The following FBXL4 variants were observed in gnomAD, a reference collection of about 807,000 sequenced individuals.
The protein encoded by FBXL4 is F-box and leucine rich repeat protein 4.
In FBXL4, 40 loss-of-function variants were observed where a neutral mutation model predicts 58.9. That is an observed-to-expected ratio of 0.68 (90% CI 0.53 to 0.88). The LOEUF (loss-of-function observed/expected upper bound fraction) is 0.88, where lower values mean the gene tolerates loss of function less well. Among genes scored for constraint, FBXL4 ranks in the 40% least tolerant of loss-of-function variants. The probability of loss-of-function intolerance (pLI) is 0.00; values close to 1 mark genes in which losing one functional copy is unlikely to be tolerated. For synonymous variants in FBXL4, 263 were observed against 265.5 expected, an observed-to-expected ratio of 0.99 and a Z score of 0.09; for missense variants, 676 against 734.4, an observed-to-expected ratio of 0.92 and a Z score of 0.92.
chr6:98,889,855 T>C (rs1274877341), intron 7 of FBXL4, among the ~76,000 whole-genome samples: 1 of 152,172 alleles, frequency 6.6e-6, no homozygotes, highest in African/African-American at 2.4e-5. Context: ...ATAAAAGGCA[T>C]TAATTCAAAT....
intron 6 of FBXL4, 97 bp from the exon 7 acceptor site, chr6:98,899,578 G>A (rs955547774): frequency 3.8e-6 from 5 of 1,326,226 alleles, no homozygotes; most frequent in Non-Finnish European, 4.1e-6. Context: ...ACATTTGAAA[G>A]AATAGATTTC....
chr6:98,896,723 G>A, intron 7 of FBXL4: 2 of 862,462 alleles, frequency 2.3e-6, no homozygotes, highest in Non-Finnish European at 2.8e-6. Context: ...AATTTAATAG[G>A]AAGTAACAGA....
intron 9 of FBXL4, 75 bp from the exon 10 acceptor site, chr6:98,874,516 T>G: frequency 7.0e-7 from 1 of 1,434,624 alleles, no homozygotes; most frequent in South Asian, 1.4e-5. Flanking sequence ...TAACAATGAA[T>G]CCATCCATGA....
intron 6 of FBXL4, among the ~76,000 whole-genome samples, chr6:98,901,134 A>G (rs905290353): frequency 6.6e-6 from 1 of 152,176 alleles, no homozygotes; most frequent in Non-Finnish European, 1.5e-5. Context: ...GAGTAAAGTA[A>G]GTCGCAAATT....
At chr6:98,922,430 C>G (rs1772619260) in intron 4 of FBXL4, among the ~76,000 whole-genome samples, 2 of 152,180 alleles carry the variant, frequency 1.3e-5, no homozygotes, top group Admixed American at 6.5e-5. Flanking sequence ...CCAACACATT[C>G]TTGTTTGTTA....
chr6:98,895,238 T>C (rs1424336533), intron 7 of FBXL4, among the ~76,000 whole-genome samples: 2 of 152,234 alleles, frequency 1.3e-5, no homozygotes, highest in Non-Finnish European at 2.9e-5. Context: ...TGTTTCTAAA[T>C]GTAATTTGAA....
chr6:98,943,270 A>C (rs1002581755), intron 1 of FBXL4, among the ~76,000 whole-genome samples: 5 of 152,106 alleles, frequency 3.3e-5, no homozygotes, highest in African/African-American at 9.7e-5. Flanking sequence ...GTAAAACAAA[A>C]AAAAAAAGGA....
chr6:98,947,533 A>G (rs1582471389), intron 1 of FBXL4, among the ~76,000 whole-genome samples: 1 of 152,346 alleles, frequency 6.6e-6, no homozygotes, highest in African/African-American at 2.4e-5. Flanking sequence ...ACACGTCCGA[A>G]CGACGCCTCA....
intron 7 of FBXL4, among the ~76,000 whole-genome samples, chr6:98,881,545 G>A (rs1428871223): frequency 6.6e-6 from 1 of 151,998 alleles, no homozygotes; most frequent in African/African-American, 2.4e-5. Context: ...TATCAGTTGA[G>A]GGAAAGGTGA....
At chr6:98,919,347 T>C (rs1471429676) in intron 4 of FBXL4, among the ~76,000 whole-genome samples, 1 of 152,210 alleles carries the variant, frequency 6.6e-6, no homozygotes, top group Admixed American at 6.5e-5. Flanking sequence ...ATACTTGTTA[T>C]TTTTGCTGAT....
At chr6:98,939,148 GATGAA>G (rs1191512924) in intron 1 of FBXL4, among the ~76,000 whole-genome samples, 1 of 149,468 alleles carries the variant, frequency 6.7e-6, no homozygotes, top group Non-Finnish European at 1.5e-5. Context: ...GAGGAAGGGA[GATGAA>G]ATGAAACGAA....
chr6:98,923,194 G>A (rs1260765446), intron 4 of FBXL4, among the ~76,000 whole-genome samples: 1 of 151,716 alleles, frequency 6.6e-6, no homozygotes, highest in South Asian at 2.1e-4. Context: ...CCAGCAGACT[G>A]GGACTTCACA....
At chr6:98,883,072 T>C (rs1770908951) in intron 7 of FBXL4, among the ~76,000 whole-genome samples, 1 of 152,016 alleles carries the variant, frequency 6.6e-6, no homozygotes, top group South Asian at 2.1e-4. Flanking sequence ...GTAAGACTGT[T>C]AGGTCCCCAC....
At chr6:98,939,075 CAAA>C (rs3068704) in intron 1 of FBXL4, among the ~76,000 whole-genome samples, 8 of 25,264 alleles carry the variant, frequency 3.2e-4, no homozygotes, top group Non-Finnish European at 6.4e-4. Flanking sequence ...GACCTTGTCT[CAAA>C]AAAAAAAAAA....
chr6:98,912,772 C>T (rs191650445), intron 5 of FBXL4, among the ~76,000 whole-genome samples: 8 of 151,556 alleles, frequency 5.3e-5, no homozygotes, highest in Non-Finnish European at 7.4e-5. Context: ...CATCAACTAA[C>T]GAGCAACATA....
At chr6:98,910,742 G>C (rs181076674) in intron 5 of FBXL4, among the ~76,000 whole-genome samples, 1 of 152,134 alleles carries the variant, frequency 6.6e-6, no homozygotes, top group Non-Finnish European at 1.5e-5. Context: ...AGGTCCCAGC[G>C]TGAGCAACGC....
intron 2 of FBXL4, among the ~76,000 whole-genome samples, chr6:98,929,597 A>T (rs1772932406): frequency 6.6e-6 from 1 of 151,800 alleles, no homozygotes; most frequent in Non-Finnish European, 1.5e-5. Context: ...AGAAAGAAAG[A>T]AAGTCAATGA....
chr6:98,908,078 C>T (rs1771881237), intron 5 of FBXL4, among the ~76,000 whole-genome samples: 1 of 152,122 alleles, frequency 6.6e-6, no homozygotes, highest in Non-Finnish European at 1.5e-5. Context: ...TCCAGATACA[C>T]CTGTTGATGT....
At chr6:98,921,661 C>T (rs944640442) in intron 4 of FBXL4, among the ~76,000 whole-genome samples, 4 of 152,030 alleles carry the variant, frequency 2.6e-5, no homozygotes, top group African/African-American at 4.8e-5. Context: ...GCCCACATGA[C>T]CAAGGTCCAG....
Sources: gnomAD v4.1 joint callset for allele counts (sites outside exome capture counted in the v4.1 genomes callset) on GRCh38, gnomAD v4.1.1 for gene constraint, MANE v1.5 for transcripts, NCBI Gene and HGNC (gene_info 2026-07-23, HGNC 2026-07-21) for gene names.